The following ARB2A variants were observed in gnomAD, a reference collection of about 807,000 sequenced individuals.
ARB2A encodes ARB2 cotranscriptional regulator A.
the ARB2A span, among the ~76,000 whole-genome samples, chr5:93,996,521 C>T: frequency 6.6e-6 from 1 of 152,126 alleles, no homozygotes; most frequent in Non-Finnish European, 1.5e-5. Flanking sequence ...TATTGGTTCA[C>T]AAATCCAAGT....
the ARB2A span, among the ~76,000 whole-genome samples, chr5:93,648,069 G>A: frequency 6.6e-6 from 1 of 151,370 alleles, no homozygotes; most frequent in Non-Finnish European, 1.5e-5. Flanking sequence ...CTTGAATCCA[G>A]GAGAAGCCTG....
chr5:93,810,006 T>C, the ARB2A span, among the ~76,000 whole-genome samples: 3 of 152,110 alleles, frequency 2.0e-5, no homozygotes, highest in Non-Finnish European at 4.4e-5. Context: ...TGAGATCAAT[T>C]GTACAATGTG....
At chr5:93,726,298 G>A in the ARB2A span, among the ~76,000 whole-genome samples, 1 of 151,942 alleles carries the variant, frequency 6.6e-6, no homozygotes, top group African/African-American at 2.4e-5. Flanking sequence ...AGTCTTCACT[G>A]GGCTGTCAAC....
chr5:93,913,000 A>C, the ARB2A span, among the ~76,000 whole-genome samples: 1 of 151,862 alleles, frequency 6.6e-6, no homozygotes, highest in Admixed American at 6.6e-5. Flanking sequence ...TTTCAGAGAT[A>C]ATTTCTTCTC....
the ARB2A span, among the ~76,000 whole-genome samples, chr5:93,676,162 G>A: frequency 6.6e-6 from 1 of 152,102 alleles, no homozygotes; most frequent in Non-Finnish European, 1.5e-5. Context: ...TAACATGAAT[G>A]GAGAAGGGGG....
the ARB2A span, among the ~76,000 whole-genome samples, chr5:93,788,212 A>G: frequency 6.6e-6 from 1 of 151,846 alleles, no homozygotes; most frequent in Non-Finnish European, 1.5e-5. Flanking sequence ...TGAGGGGGGG[A>G]AATCCTGTTT....
At chr5:93,695,248 A>G in the ARB2A span, among the ~76,000 whole-genome samples, 1 of 152,218 alleles carries the variant, frequency 6.6e-6, no homozygotes, top group African/African-American at 2.4e-5. Flanking sequence ...CAGAGTGAAC[A>G]GGCAACCTAC....
the ARB2A span, among the ~76,000 whole-genome samples, chr5:93,983,257 G>C: frequency 6.7e-6 from 1 of 149,862 alleles, no homozygotes; most frequent in Non-Finnish European, 1.5e-5. Flanking sequence ...ACTAAGAGGA[G>C]TCAGAGCTCA....
chr5:93,985,361 C>T, the ARB2A span, among the ~76,000 whole-genome samples: 1 of 151,300 alleles, frequency 6.6e-6, no homozygotes, highest in Non-Finnish European at 1.5e-5. Flanking sequence ...AAAACATGCC[C>T]TCTCCCTCTC....
At chr5:93,804,977 G>A in the ARB2A span, 1 of 983,268 alleles carries the variant, frequency 1.0e-6, no homozygotes, top group Non-Finnish European at 1.2e-6. Flanking sequence ...CCTAGGTGGT[G>A]AGATATCAAA....
the ARB2A span, among the ~76,000 whole-genome samples, chr5:93,919,396 T>C: frequency 6.6e-6 from 1 of 152,164 alleles, no homozygotes; most frequent in South Asian, 2.1e-4. Context: ...AAATAGTGTA[T>C]TATTTTAGAA....
chr5:93,636,155 C>G, the ARB2A span, among the ~76,000 whole-genome samples: 2 of 152,120 alleles, frequency 1.3e-5, no homozygotes, highest in Admixed American at 1.3e-4. Context: ...ATTGCTTTGA[C>G]AGACTTTCAA....
At chr5:93,839,588 G>C in the ARB2A span, among the ~76,000 whole-genome samples, 1 of 152,014 alleles carries the variant, frequency 6.6e-6, no homozygotes, top group East Asian at 1.9e-4. Context: ...AACAGTTTAA[G>C]TAGGAGTGGT....
chr5:93,823,045 CAT>C, the ARB2A span, among the ~76,000 whole-genome samples: 1 of 152,062 alleles, frequency 6.6e-6, no homozygotes, highest in Admixed American at 6.6e-5. Context: ...AGTCTAGAAA[CAT>C]AAAAATTAGG....
chr5:93,632,341 T>G, the ARB2A span, among the ~76,000 whole-genome samples: 2 of 152,120 alleles, frequency 1.3e-5, no homozygotes, highest in Non-Finnish European at 2.9e-5. Flanking sequence ...GCAGAGTGCT[T>G]TAGGCAGAGT....
At chr5:93,868,611 G>C in the ARB2A span, among the ~76,000 whole-genome samples, 1 of 152,066 alleles carries the variant, frequency 6.6e-6, no homozygotes, top group Admixed American at 6.6e-5. Flanking sequence ...AAGCACTTTT[G>C]GGTCAACTAT....
At chr5:93,753,880 T>C in the ARB2A span, among the ~76,000 whole-genome samples, 1 of 152,250 alleles carries the variant, frequency 6.6e-6, no homozygotes, top group African/African-American at 2.4e-5. Context: ...CTCAATAGCA[T>C]GCAGAAAAAT....
At chr5:93,626,624 T>A in the ARB2A span, among the ~76,000 whole-genome samples, 237 of 152,362 alleles carry the variant, frequency 1.6e-3, no homozygotes, top group African/African-American at 5.3e-3. Flanking sequence ...TCCAGTCTAC[T>A]AAGTGTGCAA....
chr5:93,819,771 TAG>T, the ARB2A span, among the ~76,000 whole-genome samples: 1 of 152,022 alleles, frequency 6.6e-6, no homozygotes, highest in Admixed American at 6.5e-5. Flanking sequence ...CTGCTGAGAG[TAG>T]AGAGAGGTTG....
Sources: gnomAD v4.1 joint callset for allele counts (sites outside exome capture counted in the v4.1 genomes callset) on GRCh38, gnomAD v4.1.1 for gene constraint, MANE v1.5 for transcripts, NCBI Gene and HGNC (gene_info 2026-07-23, HGNC 2026-07-21) for gene names.